COL28A1: variants seen among roughly 807,000 people sequenced by gnomAD.
The protein encoded by COL28A1 is collagen alpha-1(XXVIII) chain.
A neutral mutation model predicts 150.2 loss-of-function variants in COL28A1; 161 were observed. That is an observed-to-expected ratio of 1.07 (90% CI 0.94 to 1.22). COL28A1 has a LOEUF of 1.22. Ranked by LOEUF, COL28A1 falls within the 50% of genes most tolerant of loss-of-function variation. The pLI is 0.00. For missense variants in COL28A1, 1,617 were observed against 1,388.3 expected (o/e 1.16, Z -2.62); for synonymous variants, 552 against 469.7 (o/e 1.18, Z -2.26).
the COL28A1 span, among the ~76,000 whole-genome samples, chr7:7,345,449 T>A: frequency 6.6e-6 from 1 of 152,134 alleles, no homozygotes; most frequent in Non-Finnish European, 1.5e-5. Flanking sequence ...TGTTCTTCGT[T>A]CCTTCCAGTA....
At chr7:7,517,289 C>G (rs1198670374) in intron 7 of COL28A1, among the ~76,000 whole-genome samples, 1 of 152,126 alleles carries the variant, frequency 6.6e-6, no homozygotes, top group Admixed American at 6.5e-5. Flanking sequence ...ATTTGATACA[C>G]TTACTGCAAT....
intron 25 of COL28A1, chr7:7,431,360 C>T: frequency 2.9e-6 from 1 of 346,588 alleles, no homozygotes; most frequent in East Asian, 7.6e-5. Context: ...CCTTCACTCT[C>T]ATGGAATATG....
intron 33 of COL28A1, among the ~76,000 whole-genome samples, chr7:7,362,781 C>A (rs1780737516): frequency 6.6e-6 from 1 of 152,120 alleles, no homozygotes; most frequent in South Asian, 2.1e-4. Context: ...GCAGATACAG[C>A]AATTTGAATG....
intron 13 of COL28A1, among the ~76,000 whole-genome samples, chr7:7,483,362 T>C (rs1779455324): frequency 6.6e-6 from 1 of 152,174 alleles, no homozygotes; most frequent in African/African-American, 2.4e-5. Context: ...ATATATTCAA[T>C]GAAAGAACAA....
intron 17 of COL28A1, among the ~76,000 whole-genome samples, 157 bp from the exon 18 acceptor site, chr7:7,452,544 A>G (rs10486164): frequency 0.077 from 11,772 of 152,340 alleles, 626 homozygotes; most frequent in Admixed American, 0.15. Flanking sequence ...GATTTGCACC[A>G]GATTTGGAAT....
chr7:7,479,601 T>G (rs1430298755), intron 13 of COL28A1, among the ~76,000 whole-genome samples: 1 of 152,222 alleles, frequency 6.6e-6, no homozygotes, highest in African/African-American at 2.4e-5. Flanking sequence ...CAGGAACTGG[T>G]TGAACCCACA....
At chr7:7,495,670 T>A (rs1468172115) in intron 11 of COL28A1, among the ~76,000 whole-genome samples, 1 of 152,022 alleles carries the variant, frequency 6.6e-6, no homozygotes, top group Non-Finnish European at 1.5e-5. Context: ...GTATGCCTCC[T>A]AAATATCTCT....
intron 27 of COL28A1, among the ~76,000 whole-genome samples, chr7:7,408,486 T>C (rs1031423885): frequency 6.6e-6 from 1 of 152,174 alleles, no homozygotes; most frequent in African/African-American, 2.4e-5. Flanking sequence ...TAAAAACCTG[T>C]TTAGATTACA....
At chr7:7,460,112 A>C (rs1007274400) in intron 15 of COL28A1, among the ~76,000 whole-genome samples, 1 of 152,180 alleles carries the variant, frequency 6.6e-6, no homozygotes, top group Non-Finnish European at 1.5e-5. Flanking sequence ...AATGCTTCCC[A>C]AAATCACCTA....
At chr7:7,406,311 G>A (rs146534631) in intron 27 of COL28A1, among the ~76,000 whole-genome samples, 2 of 152,156 alleles carry the variant, frequency 1.3e-5, no homozygotes, top group African/African-American at 4.8e-5. Context: ...TGCAGGTGGA[G>A]CTTGGTCATC....
At chr7:7,358,928 T>C (rs1780476235) in intron 34 of COL28A1, 123 bp from the exon 35 acceptor site, 1 of 756,368 alleles carries the variant, frequency 1.3e-6, no homozygotes, top group Non-Finnish European at 2.0e-6. Flanking sequence ...ACCAAGAAAA[T>C]ATGGTTCTAA....
chr7:7,474,912 TG>T, intron 14 of COL28A1, among the ~76,000 whole-genome samples: 1 of 152,136 alleles, frequency 6.6e-6, no homozygotes, highest in East Asian at 1.9e-4. Flanking sequence ...GTAGCATCCC[TG>T]AAGTTAGAAA....
At chr7:7,475,538 C>A (rs144035483) in intron 14 of COL28A1, among the ~76,000 whole-genome samples, 26 of 152,252 alleles carry the variant, frequency 1.7e-4, no homozygotes, top group African/African-American at 6.0e-4. Context: ...CTATTACATA[C>A]AAGAGTATCA....
intron 32 of COL28A1, among the ~76,000 whole-genome samples, chr7:7,372,409 A>ATAAG (rs1781282168): frequency 1.3e-5 from 2 of 148,878 alleles, no homozygotes; most frequent in Admixed American, 1.3e-4. Context: ...AAATAAATAA[A>ATAAG]TAAATAAATA....
At chr7:7,395,778 T>C (rs1782800704) in intron 27 of COL28A1, among the ~76,000 whole-genome samples, 1 of 152,176 alleles carries the variant, frequency 6.6e-6, no homozygotes, top group African/African-American at 2.4e-5. Flanking sequence ...CCCCAAAACA[T>C]CCCAGAATAA....
At chr7:7,439,261 G>T (rs768089109) in intron 21 of COL28A1, among the ~76,000 whole-genome samples, 3 of 152,066 alleles carry the variant, frequency 2.0e-5, no homozygotes, top group Non-Finnish European at 2.9e-5. Context: ...GAGCACACTG[G>T]CCCACTGAGA....
In COL28A1 at chr7:7,517,749, T is replaced by A. The variant is rs1781495158; in HGVS notation, c.855+47A>T. On this transcript the variant is annotated intron_variant, in intron 7 of 34. Transcript: ENST00000399429. ...TCAAAATGGTCAACCACAAAATCAG[T>A]AACCTAGGATCACTTTCTTAGGAAG... 3.1e-6 allele frequency: 5 copies of A among 1,611,852 alleles called. No individual in the cohort carries two copies. In the East Asian group the frequency reaches 1.1e-4, roughly 36 times the overall value.
intron 25 of COL28A1, among the ~76,000 whole-genome samples, chr7:7,428,027 A>T (rs2128311985): frequency 6.6e-6 from 1 of 152,322 alleles, no homozygotes; most frequent in African/African-American, 2.4e-5. Flanking sequence ...TTGTAAAGAG[A>T]CAAGTTGCTC....
Position 7,370,863 on chromosome 7 carries a change from C to G in COL28A1, c.2928G>C (p.Leu976Phe). The G allele has an allele frequency of 6.2e-7, 1 of 1,611,566 alleles. No individual in the cohort carries two copies. The highest frequency in any genetic ancestry group is 8.5e-7 in the Non-Finnish European group (1 of 1,178,696). Residue 976 changes from leucine to phenylalanine, a missense_variant, in exon 33 of 35, where the codon TTG (leucine) becomes TTC (phenylalanine). By Grantham distance (22) the Leu-to-Phe change is conservative. Coordinates refer to ENST00000399429, the MANE Select transcript of COL28A1 (RefSeq NM_001037763.3). ...FTLQDTLKQK[L>F]FQKICEDFDS... The stretch of plus-strand genomic sequence containing the variant: ...CAAAATCCTCACAAATTTTTTGAAA[C>G]AATTTTTGCTTCAGGGTGTCTTTTA...
Sources: allele counts gnomAD v4.1 joint callset (sites outside exome capture counted in the v4.1 genomes callset), GRCh38; gene constraint gnomAD v4.1.1; transcripts MANE v1.5; gene names NCBI Gene and HGNC (gene_info 2026-07-23, HGNC 2026-07-21).